The following A2ML1 variants were observed in gnomAD, a reference collection of about 807,000 sequenced individuals.
A2ML1 encodes alpha-2-macroglobulin like 1.
A2ML1 carries 161 observed loss-of-function variants against 181.9 expected under a neutral mutation model. That is an observed-to-expected ratio of 0.89 (90% confidence interval 0.78 to 1.01). The LOEUF is 1.01. A2ML1 is among the 50% of genes least tolerant of loss of function. The pLI, the probability that A2ML1 is intolerant of heterozygous loss-of-function variation, is 0.00. For missense variants in A2ML1, 1,670 were observed against 1,768.1 expected (o/e 0.94, Z 1.00); for synonymous variants, 663 against 666.8 (o/e 0.99, Z 0.09).
chr12:8,848,994 C>A, intron 16 of A2ML1, 80 bp downstream of exon 16: 1 of 1,463,542 alleles, frequency 6.8e-7, no homozygotes, highest in Non-Finnish European at 9.3e-7. Flanking sequence ...TCTAAGAAAG[C>A]AGAGAGACTC....
chr12:8,824,229 T>A (rs1426711450), intron 3 of A2ML1, among the ~76,000 whole-genome samples: 2 of 146,878 alleles, frequency 1.4e-5, no homozygotes, highest in Non-Finnish European at 3.0e-5. Flanking sequence ...GGGGTTTTTT[T>A]TTTTTTTTTT....
chr12:8,822,787 G>A, intron 1 of A2ML1, 74 bp downstream of exon 1: 3 of 1,364,718 alleles, frequency 2.2e-6, no homozygotes, highest in Non-Finnish European at 3.1e-6. Flanking sequence ...CATTTATATG[G>A]AGATGGGGAG....
chr12:8,829,761 C>A lies in A2ML1; in HGVS notation c.444C>A (p.Phe148Leu). Residue 148 changes from phenylalanine (F) to leucine (L), a missense_variant, in exon 4 of 36, where the codon TTC (phenylalanine) becomes TTA (leucine). Phe to Leu is a conservative substitution (Grantham distance 22, BLOSUM62 0). Transcript: ENST00000299698. The part of the protein sequence containing the change: ...YFRIVTMDSN[F>L]VPVNDKYSMV... ...GCATTGTCACCATGGATAGCAACTTCGTTCCAGTGAATGACAAGGTGAGTT... is the reference window on the plus strand; with the variant it reads ...GCATTGTCACCATGGATAGCAACTTAGTTCCAGTGAATGACAAGGTGAGTT... 1 of 1,613,652 alleles carries A rather than the reference C, an allele frequency of 6.2e-7. No individual in the cohort carries two copies. Among genetic ancestry groups the A allele is most frequent in the Non-Finnish European group, 8.5e-7 (1 of 1,179,936 alleles).
At chr12:8,837,386 T>C (rs1943317665) in intron 7 of A2ML1, 54 bp from the exon 8 acceptor site, 3 of 1,601,620 alleles carry the variant, frequency 1.9e-6, no homozygotes, top group Non-Finnish European at 2.6e-6. Context: ...GAGGGAAGAG[T>C]TGGATCTCAA....
In A2ML1 at chr12:8,823,838, C is replaced by T; in HGVS notation, c.365C>T (p.Thr122Ile). 6.2e-7 allele frequency: 1 copy of T among 1,613,882 alleles called. No individual in the cohort carries two copies. Among genetic ancestry groups the T allele is most frequent in the Non-Finnish European group, 8.5e-7 (1 of 1,179,946 alleles). Residue 122 changes from threonine to isoleucine, a missense_variant, in exon 3 of 36, where the codon ACC (threonine) becomes ATC (isoleucine). Physicochemically the swap from Thr to Ile is moderately conservative, Grantham distance 89 (BLOSUM62 -1). Coordinates refer to ENST00000299698, the MANE Select transcript of A2ML1 (RefSeq NM_144670.6). ...CTAATTCAGAGGCAGGGGAACGGCA[C>T]CTTTGTACAGACTGACAAACCTCTC... ...KVLIQRQGNGTFVQTDKPLYT... is the reference protein window; with the variant it reads ...KVLIQRQGNGIFVQTDKPLYT...
rs368265864 is a variant in A2ML1 at position 8,850,140 on chromosome 12, C to T, written c.2120-20C>T. 2.0e-5 allele frequency: 32 copies of T among 1,574,162 alleles called. No individual in the cohort carries two copies. Among genetic ancestry groups the T allele is most frequent in the African/African-American group, 1.4e-4 (10 of 72,844 alleles). On this transcript the variant is annotated intron_variant, in intron 17 of 35. Transcript: ENST00000299698. ...GAAGTCTCCTGTTTCCTAAAGTTTT[C>T]GTATTCTCAATTTCATCAGCAGGCG...
Position 8,841,519 on chromosome 12 carries a change from A to G in A2ML1, c.1231A>G (p.Thr411Ala). ...FTLETSGWNG[T>A]DVSLEGKFQM... ...CTTGGAGACATCCGGTTGGAATGGGACAGACGTTTCTCTGGAGGTAAGCAT... is the reference window on the plus strand; with the variant it reads ...CTTGGAGACATCCGGTTGGAATGGGGCAGACGTTTCTCTGGAGGTAAGCAT... The change falls in exon 11 of 36, where the codon ACA (threonine) becomes GCA (alanine). Residue 411 changes from threonine to alanine, a missense_variant. By Grantham distance (58) the Thr-to-Ala change is moderately conservative (BLOSUM62 0). Coordinates refer to ENST00000299698, the MANE Select transcript of A2ML1 (RefSeq NM_144670.6). 6.2e-7 allele frequency: 1 copy of G among 1,613,620 alleles called. No individual in the cohort carries two copies. Among genetic ancestry groups the G allele is most frequent in the Non-Finnish European group, 8.5e-7 (1 of 1,179,854 alleles).
At chr12:8,850,702 A>G (rs747218763) in intron 18 of A2ML1, among the ~76,000 whole-genome samples, 3 of 152,166 alleles carry the variant, frequency 2.0e-5, no homozygotes, top group Non-Finnish European at 4.4e-5. Context: ...AGAAAGCTTG[A>G]TGGGGTGTGG....
At chr12:8,850,050 A>C (rs1943834956) in intron 17 of A2ML1, 110 bp from the exon 18 acceptor site, 2 of 841,358 alleles carry the variant, frequency 2.4e-6, no homozygotes, top group African/African-American at 1.7e-5. Context: ...CTCTGACTGG[A>C]TGTTCTCTGC....
rs923863444 is a variant in A2ML1, at chr12:8,847,544, C to A, written c.1684-5C>A. On this transcript the variant is annotated splice_region_variant and splice_polypyrimidine_tract_variant and intron_variant, in intron 14 of 35. Transcript: ENST00000299698. ...ATCCCCAAGTTATACCTTTCCCTTCCCCAGGTTTCCCTTGGCTTCTCCCCC... is the reference window on the plus strand; with the variant it reads ...ATCCCCAAGTTATACCTTTCCCTTCACCAGGTTTCCCTTGGCTTCTCCCCC... 1 of 1,605,580 alleles carries A rather than the reference C, an allele frequency of 6.2e-7. No individual in the cohort carries two copies. The highest frequency in any genetic ancestry group is 1.3e-5 in the African/African-American group (1 of 74,672).
At chr12:8,846,936 T>A (rs922214335) in intron 14 of A2ML1, among the ~76,000 whole-genome samples, 3 of 151,316 alleles carry the variant, frequency 2.0e-5, no homozygotes, top group African/African-American at 7.3e-5. Context: ...ACCCTGTCTA[T>A]TTTTTTTATT....
intron 3 of A2ML1, among the ~76,000 whole-genome samples, chr12:8,825,111 G>A (rs1288977497): frequency 1.3e-5 from 2 of 152,042 alleles, no homozygotes; most frequent in African/African-American, 4.8e-5. Context: ...TATATACTTA[G>A]CAGTGGGCTT....
intron 7 of A2ML1, among the ~76,000 whole-genome samples, chr12:8,886,010 T>TCTCA (rs71451992): frequency 0.016 from 2,257 of 144,988 alleles, 57 homozygotes; most frequent in African/African-American, 0.053. Flanking sequence ...CAACAATATC[T>TCTCA]CACACACACA....
intron 26 of A2ML1, among the ~76,000 whole-genome samples, chr12:8,858,583 C>T (rs944372232): frequency 3.3e-5 from 5 of 152,018 alleles, no homozygotes; most frequent in African/African-American, 1.2e-4. Context: ...GAGACCCTGC[C>T]TCAAAAAGAA....
At position 8,843,198 on chromosome 12, in the gene A2ML1, C is replaced by G. The variant is rs778105594; in HGVS notation, c.1313C>G (p.Ala438Gly). The change falls in exon 12 of 36, where the codon GCC becomes GGC. Residue 438 changes from alanine (A) to glycine (G), a missense_variant. Transcript: ENST00000299698. ...PEQVPRYYQN[A>G]YLHLRPFYST... ...CAAGTGCCACGTTACTACCAAAATG[C>G]CTACCTGCACCTGCGACCCTTCTAC... The G allele has an allele frequency of 2.5e-6, 4 of 1,614,162 alleles. No individual in the cohort carries two copies. The highest frequency in any genetic ancestry group is 3.4e-6 in the Non-Finnish European group (4 of 1,180,036).
rs778924856 is a variant in A2ML1 at position 8,868,591 on chromosome 12, A to C, written c.4116A>C (p.Leu1372=). 6.2e-7 allele frequency: 1 copy of C among 1,613,876 alleles called. No homozygotes were observed. Among genetic ancestry groups the C allele is most frequent in the East Asian group, 2.2e-5 (1 of 44,862 alleles). ...TGGCTATTGTGGAAGTGAAGATGCT[A>C]TCTGGGTTCAGTCCCATGGAGGGCA... ...SNMAIVEVKM[L]SGFSPMEGTN... Residue 1372 remains leucine (L), a synonymous_variant, in exon 32 of 36, where the codon CTA becomes CTC. Transcript: ENST00000299698.
chr12:8,858,517 T>A (rs973533049), intron 26 of A2ML1, among the ~76,000 whole-genome samples: 11 of 151,648 alleles, frequency 7.3e-5, no homozygotes, highest in African/African-American at 2.7e-4. Context: ...ACCCAGGAGG[T>A]CAAGCCTGCA....
intron 23 of A2ML1, among the ~76,000 whole-genome samples, chr12:8,856,670 A>C (rs1435808031): frequency 6.6e-6 from 1 of 152,184 alleles, no homozygotes; most frequent in African/African-American, 2.4e-5. Flanking sequence ...TCATCAGCTC[A>C]GTGACATGTC....
chr12:8,844,261 CTTT>C (rs376853548), intron 12 of A2ML1, among the ~76,000 whole-genome samples: 1 of 139,520 alleles, frequency 7.2e-6, no homozygotes. Context: ...ACTCAGGATA[CTTT>C]TTTTTTTTTT....
Sources: allele counts gnomAD v4.1 joint callset (sites outside exome capture counted in the v4.1 genomes callset), GRCh38; gene constraint gnomAD v4.1.1; transcripts MANE v1.5; gene names NCBI Gene and HGNC (gene_info 2026-07-23, HGNC 2026-07-21).